The following ULK2 variants were observed in gnomAD, a reference collection of about 807,000 sequenced individuals.
ULK2 encodes the protein serine/threonine-protein kinase ULK2.
In ULK2, 76 loss-of-function variants were observed where a neutral mutation model predicts 127.5. The ratio of observed to expected loss-of-function variants is 0.60; its 90% CI spans 0.50 to 0.72. ULK2 has a LOEUF of 0.72. ULK2 is among the 30% of genes least tolerant of loss of function. The probability of loss-of-function intolerance (pLI) is 0.00; values close to 1 mark genes in which losing one functional copy is unlikely to be tolerated. For missense variants in ULK2, 1,144 were observed against 1,295.9 expected, an observed-to-expected ratio of 0.88 and a Z score of 1.80; for synonymous variants, 452 against 461.9, an observed-to-expected ratio of 0.98 and a Z score of 0.28.
intron 13 of ULK2, among the ~76,000 whole-genome samples, chr17:19,814,637 T>A (rs574663670): frequency 3.4e-4 from 51 of 151,692 alleles, no homozygotes; most frequent in Non-Finnish European, 6.8e-4. Flanking sequence ...GTCTTGAACT[T>A]GGGGGTTCAT....
At chr17:19,829,124 T>G (rs1597780538) in intron 10 of ULK2, among the ~76,000 whole-genome samples, 1 of 151,898 alleles carries the variant, frequency 6.6e-6, no homozygotes, top group East Asian at 1.9e-4. Flanking sequence ...CACAAATATT[T>G]GAAAGCAAAA....
intron 13 of ULK2, among the ~76,000 whole-genome samples, chr17:19,815,283 CAG>C (rs1378295020): frequency 6.6e-6 from 1 of 151,912 alleles, no homozygotes; most frequent in African/African-American, 2.4e-5. Context: ...TTTTTTGAGA[CAG>C]AGTCACTCTC....
chr17:19,842,429 T>G (rs568528148), intron 8 of ULK2, among the ~76,000 whole-genome samples: 67 of 152,148 alleles, frequency 4.4e-4, no homozygotes, highest in Middle Eastern at 3.4e-3. Context: ...ACTCCCGACC[T>G]CAGGTGATCT....
chr17:19,805,113 A>G (rs1282069293), intron 14 of ULK2, among the ~76,000 whole-genome samples: 1 of 152,234 alleles, frequency 6.6e-6, no homozygotes, highest in East Asian at 1.9e-4. Context: ...GGTCAGCAAA[A>G]CTGTTTCATC....
chr17:19,809,498 C>T (rs1162305716), intron 14 of ULK2, among the ~76,000 whole-genome samples: 1 of 151,732 alleles, frequency 6.6e-6, no homozygotes, highest in Admixed American at 6.6e-5. Flanking sequence ...TTTGGGAGGC[C>T]GAGGCGGGCA....
rs768218262 is a variant in ULK2, at chr17:19,804,685, T to C, written c.1295+8A>G. The stretch of plus-strand genomic sequence containing the variant: ...AAGAATTAAGCAAGAAAAAAGCTAC[T>C]AACTTACCTTGGAGAACCATGTACA... On this transcript the variant is annotated splice_region_variant and intron_variant, in intron 15 of 26. Transcript: ENST00000395544. The C allele has an allele frequency of 3.8e-6, 6 of 1,576,268 alleles. No homozygotes were observed. The South Asian group carries it at 4.8e-5, about 13-fold the overall frequency.
At chr17:19,858,128 G>A (rs866478455) in intron 3 of ULK2, among the ~76,000 whole-genome samples, 11 of 152,048 alleles carry the variant, frequency 7.2e-5, no homozygotes, top group African/African-American at 2.7e-4. Context: ...GCCCGGGTGT[G>A]GTGGCTCACG....
chr17:19,788,795 C>G (rs1326208043), intron 20 of ULK2, among the ~76,000 whole-genome samples: 2 of 152,136 alleles, frequency 1.3e-5, no homozygotes, highest in Non-Finnish European at 1.5e-5. Context: ...TCAGTGGTGG[C>G]CTGGCAGAAC....
At chr17:19,808,750 G>A (rs1157779968) in intron 14 of ULK2, among the ~76,000 whole-genome samples, 3 of 152,212 alleles carry the variant, frequency 2.0e-5, no homozygotes, top group Admixed American at 1.3e-4. Context: ...TCATTAATTA[G>A]GATGGCTGTT....
intron 22 of ULK2, among the ~76,000 whole-genome samples, chr17:19,783,390 G>T (rs205091): frequency 0.98 from 149,740 of 152,118 alleles, 73,712 homozygotes; most frequent in East Asian, 1. Flanking sequence ...AGGCAGAGGT[G>T]GGAGTGAGCC....
Position 19,786,035 on chromosome 17 carries a change from G to A in ULK2, c.2153C>T (p.Ala718Val), listed in dbSNP as rs921258396. ...AGTGAAGAGGACAGCCTTGGAACTT[G>A]CTGCTGTACCTGCAGGAGGTGCCAG... ...GVLAPPAGTA[A>V]SSKAVLFTVG... The change falls in exon 21 of 27, where the codon GCA (alanine) becomes GTA (valine). Residue 718 changes from alanine (A) to valine (V), a missense_variant. By Grantham distance (64) the Ala-to-Val change is moderately conservative (BLOSUM62 0). Coordinates refer to ENST00000395544, the MANE Select transcript of ULK2 (RefSeq NM_014683.4). 5 of 1,573,926 alleles carry A rather than the reference G, an allele frequency of 3.2e-6. No individual in the cohort carries two copies. Among genetic ancestry groups the A allele is most frequent in the Middle Eastern group, 1.7e-4 (1 of 5,964 alleles).
chr17:19,846,672 G>A (rs2041891225), intron 6 of ULK2, 65 bp downstream of exon 6: 4 of 1,453,774 alleles, frequency 2.8e-6, no homozygotes, highest in Admixed American at 2.4e-5. Flanking sequence ...ATTCAACAAA[G>A]CTAAAGTTGT....
chr17:19,843,137 C>G lies in ULK2; in HGVS notation c.629G>C (p.Gly210Ala). Reference protein sequence around the residue: ...IGTVIYQCLVGKPPFQANSPQ... With the variant: ...IGTVIYQCLVAKPPFQANSPQ... ...TCAGCCTACCTGAAAAGGTGGTTTT[C>G]CAACTAGGCATTGGTATATCACTGT... Residue 210 changes from glycine to alanine, a missense_variant, in exon 8 of 27, where the codon GGA (glycine) becomes GCA (alanine). Physicochemically the swap from Gly to Ala is moderately conservative, Grantham distance 60. Transcript: ENST00000395544. 6.2e-7 allele frequency: 1 copy of G among 1,613,850 alleles called. No individual in the cohort carries two copies.
chr17:19,830,782 C>T (rs2041419996), intron 10 of ULK2, among the ~76,000 whole-genome samples: 1 of 152,138 alleles, frequency 6.6e-6, no homozygotes, highest in Admixed American at 6.5e-5. Flanking sequence ...AATCCCAGCA[C>T]TTTGGGAGCC....
intron 9 of ULK2, chr17:19,840,322 T>C (rs281355): frequency 0.054 from 28,569 of 525,804 alleles, 1,617 homozygotes; most frequent in East Asian, 0.22. Context: ...CCTGCCTTGA[T>C]TCGTTGGACC....
chr17:19,830,279 A>G (rs774211481), intron 10 of ULK2, among the ~76,000 whole-genome samples: 10 of 152,086 alleles, frequency 6.6e-5, no homozygotes, highest in Non-Finnish European at 1.5e-4. Flanking sequence ...AGCTCATTGC[A>G]GCATCAAACT....
chr17:19,840,130 C>A, intron 9 of ULK2: 2 of 386,416 alleles, frequency 5.2e-6, no homozygotes, highest in South Asian at 2.1e-5. Flanking sequence ...ACCAAGATGT[C>A]GTTCCCAAAG....
At chr17:19,833,051 C>T (rs1413777212) in intron 10 of ULK2, among the ~76,000 whole-genome samples, 3 of 146,298 alleles carry the variant, frequency 2.1e-5, no homozygotes, top group South Asian at 2.2e-4. Context: ...TGAACTCGGG[C>T]GGCGGAGCTT....
At chr17:19,780,218 C>A (rs1204118696) in intron 25 of ULK2, among the ~76,000 whole-genome samples, 1 of 151,512 alleles carries the variant, frequency 6.6e-6, no homozygotes, top group Admixed American at 6.6e-5. Flanking sequence ...ATGCCTAATG[C>A]CAGCAATGTT....
Sources: allele counts gnomAD v4.1 joint callset (sites outside exome capture counted in the v4.1 genomes callset), GRCh38; gene constraint gnomAD v4.1.1; transcripts MANE v1.5; gene names NCBI Gene and HGNC (gene_info 2026-07-23, HGNC 2026-07-21).